Variants in MGAT5 observed in about 807,000 individuals in gnomAD.
MGAT5 encodes alpha-1,6-mannosylglycoprotein 6-beta-N-acetylglucosaminyltransferase A.
In MGAT5, 30 loss-of-function variants were observed where a neutral mutation model predicts 94.3. The ratio of observed to expected loss-of-function variants is 0.32; its 90% CI spans 0.24 to 0.43. The LOEUF (loss-of-function observed/expected upper bound fraction) is 0.43. Ranked by LOEUF, MGAT5 falls within the 20% of genes least tolerant of loss-of-function variation. MGAT5 has a pLI of 1.00. For synonymous variants in MGAT5, 310 were observed against 322.9 expected (o/e 0.96, Z 0.43); for missense variants, 691 against 905.5 (o/e 0.76, Z 3.04).
At position 134,370,296 on chromosome 2, in the gene MGAT5, G is replaced by C. The variant is rs548476715; in HGVS notation, c.1380+7888G>C. Among the ~76,000 whole-genome samples, 25 of 152,314 alleles carry C rather than the reference G, an allele frequency of 1.6e-4. No homozygotes were observed. In the South Asian group the frequency reaches 3.5e-3, roughly 21 times the overall value. The stretch of plus-strand genomic sequence containing the variant: ...TAAGTAGATTAAACCTTGTCATTCT[G>C]TTTTGTTCTTCAGGCTACTTAGCCA... On this transcript the variant is annotated intron_variant, in intron 10 of 15. Transcript: ENST00000281923.
intron 1 of MGAT5, among the ~76,000 whole-genome samples, chr2:134,231,949 A>G (rs1421235692): frequency 6.6e-6 from 1 of 152,194 alleles, no homozygotes; most frequent in Non-Finnish European, 1.5e-5. Context: ...TATATGATAT[A>G]GTACTATTGC....
rs778985792 is a variant in MGAT5 at position 134,268,540 on chromosome 2, G to A, written c.242-1846G>A. 2.6e-5 allele frequency among the ~76,000 whole-genome samples: 4 copies of A among 152,206 alleles called. No homozygotes were observed. Among genetic ancestry groups the A allele is most frequent in the Admixed American group, 6.5e-5 (1 of 15,280 alleles). On this transcript the variant is annotated intron_variant, in intron 1 of 15. Coordinates refer to ENST00000281923, the MANE Select transcript of MGAT5 (RefSeq NM_002410.5). The surrounding 1 kb of genome is among the most constrained non-coding windows in gnomAD (Gnocchi z 4.1). Reference sequence around the variant, plus strand: ...TGTGACAAACTGAGTCATGCTGACCGTGGGACTGCAGACCGCAGAGGAGAG... The same window carrying A: ...TGTGACAAACTGAGTCATGCTGACCATGGGACTGCAGACCGCAGAGGAGAG...
chr2:134,145,794 A>G (rs1452780485), intron 1 of MGAT5, among the ~76,000 whole-genome samples: 1 of 152,210 alleles, frequency 6.6e-6, no homozygotes, highest in Non-Finnish European at 1.5e-5. Flanking sequence ...GGGAAAAATT[A>G]ATGAAACACA....
intron 1 of MGAT5, among the ~76,000 whole-genome samples, chr2:134,187,132 A>G (rs1440578972): frequency 6.6e-6 from 1 of 152,184 alleles, no homozygotes; most frequent in Non-Finnish European, 1.5e-5. Flanking sequence ...TGTGGAGGGC[A>G]AGTAGTGCCC....
chr2:134,144,413 G>A (rs1255733860), intron 1 of MGAT5, among the ~76,000 whole-genome samples: 1 of 152,128 alleles, frequency 6.6e-6, no homozygotes, highest in Admixed American at 6.5e-5. Flanking sequence ...CTTACTCACT[G>A]TCAGGAGAAT....
At chr2:134,186,925 G>A (rs753843616) in intron 1 of MGAT5, among the ~76,000 whole-genome samples, 4 of 152,190 alleles carry the variant, frequency 2.6e-5, no homozygotes, top group Non-Finnish European at 4.4e-5. Flanking sequence ...AGATAGTGCC[G>A]CGTGGGGAGC....
intron 2 of MGAT5, among the ~76,000 whole-genome samples, chr2:134,299,808 G>A (rs551077033): frequency 6.6e-6 from 1 of 152,224 alleles, no homozygotes; most frequent in Admixed American, 6.5e-5. Flanking sequence ...TCTTGTTGCA[G>A]TTCTCTCTTC....
chr2:134,330,553 TA>T (rs111845468), intron 4 of MGAT5, among the ~76,000 whole-genome samples: 1 of 71,724 alleles, frequency 1.4e-5, no homozygotes, highest in East Asian at 5.5e-4. Context: ...TTAAATTGTG[TA>T]GTGTGTGTGT....
At chr2:134,259,423 A>C (rs1683182328) in intron 1 of MGAT5, among the ~76,000 whole-genome samples, 1 of 152,130 alleles carries the variant, frequency 6.6e-6, no homozygotes, top group Admixed American at 6.5e-5. Context: ...AACAGGACAA[A>C]CCCGGTCCAC....
chr2:134,364,907 A>G (rs979761677), intron 10 of MGAT5, among the ~76,000 whole-genome samples: 1 of 152,218 alleles, frequency 6.6e-6, no homozygotes, highest in African/African-American at 2.4e-5. Context: ...CAGAAAACCA[A>G]TGTGCCTTTT....
intron 10 of MGAT5, among the ~76,000 whole-genome samples, chr2:134,402,267 C>T (rs1683099176): frequency 6.6e-6 from 1 of 152,208 alleles, no homozygotes; most frequent in Non-Finnish European, 1.5e-5. Flanking sequence ...CCTCAAAATT[C>T]AGTGCCTACA....
chr2:134,178,015 A>AAAT (rs1688560739), intron 1 of MGAT5, among the ~76,000 whole-genome samples: 1 of 152,170 alleles, frequency 6.6e-6, no homozygotes, highest in Non-Finnish European at 1.5e-5. Context: ...AATAGCTGTA[A>AAAT]TATTTGCATA....
chr2:134,218,968 T>C (rs1202085668), intron 1 of MGAT5, among the ~76,000 whole-genome samples: 3 of 152,300 alleles, frequency 2.0e-5, no homozygotes, highest in South Asian at 2.1e-4. Flanking sequence ...TTACTGTCCA[T>C]AGTCTCTGGG....
chr2:134,151,793 CTCAT>C (rs2105012023), intron 1 of MGAT5, among the ~76,000 whole-genome samples: 1 of 148,314 alleles, frequency 6.7e-6, no homozygotes, highest in African/African-American at 2.5e-5. Flanking sequence ...ACCTCACTCA[CTCAT>C]GCCCTATGGG....
intron 12 of MGAT5, among the ~76,000 whole-genome samples, chr2:134,421,610 C>A (rs1244216529): frequency 1.3e-5 from 2 of 151,996 alleles, no homozygotes; most frequent in Non-Finnish European, 2.9e-5. Flanking sequence ...AAACTAGATT[C>A]TCTAAGCCCA....
At chr2:134,445,894 G>A (rs1008273674) in intron 15 of MGAT5, among the ~76,000 whole-genome samples, 12 of 152,148 alleles carry the variant, frequency 7.9e-5, no homozygotes. Context: ...TCTAGCGATT[G>A]GGGAAAGCTG....
intron 13 of MGAT5, among the ~76,000 whole-genome samples, chr2:134,423,285 G>A (rs963963288): frequency 6.6e-6 from 1 of 152,220 alleles, no homozygotes; most frequent in African/African-American, 2.4e-5. Context: ...GCAAGGAAAT[G>A]CTGAGGAATG....
In MGAT5 at chr2:134,190,685, C is replaced by G. The variant is rs543478292; in HGVS notation, c.-142-63577C>G. ...TTTTTTTCAGACAGTCTCTCTTTGC[C>G]CAGGCTGGAGTGCCGTGGCATGATC... On this transcript the variant is annotated intron_variant, in intron 1 of 16. Coordinates refer to the MGAT5 transcript ENST00000409645. 8.5e-5 allele frequency among the ~76,000 whole-genome samples: 13 copies of G among 152,258 alleles called. No individual in the cohort carries two copies. The South Asian group carries it at 2.7e-3, about 32-fold the overall frequency.
intron 4 of MGAT5, among the ~76,000 whole-genome samples, chr2:134,332,742 G>GA (rs1426736233): frequency 2.6e-5 from 4 of 151,828 alleles, no homozygotes; most frequent in East Asian, 1.9e-4. Flanking sequence ...AAATTTACAA[G>GA]AAAAAAACAA....
Sources: allele counts gnomAD v4.1 joint callset (sites outside exome capture counted in the v4.1 genomes callset), GRCh38; gene constraint gnomAD v4.1.1; non-coding constraint Gnocchi (gnomAD v3.1); transcripts MANE v1.5; gene names NCBI Gene and HGNC (gene_info 2026-07-23, HGNC 2026-07-21).